GULP1: variants seen among roughly 807,000 people sequenced by gnomAD.
The protein encoded by GULP1 is PTB domain-containing engulfment adapter protein 1.
A neutral mutation model predicts 40.9 loss-of-function variants in GULP1; 19 were observed. The observed-to-expected ratio is 0.46, with a 90% CI of 0.32 to 0.68. The LOEUF (loss-of-function observed/expected upper bound fraction) is 0.68, where lower values mean the gene tolerates loss of function less well. Ranked by LOEUF, GULP1 falls within the 30% of genes least tolerant of loss-of-function variation. The probability of loss-of-function intolerance (pLI) is 0.03; values close to 1 mark genes in which losing one functional copy is unlikely to be tolerated. For synonymous variants in GULP1, 119 were observed against 117.6 expected, an observed-to-expected ratio of 1.01 and a Z score of -0.08; for missense variants, 312 against 362.2, an observed-to-expected ratio of 0.86 and a Z score of 1.12.
chr2:188,360,970 G>T (rs1228423471), intron 1 of GULP1, among the ~76,000 whole-genome samples: 4 of 152,040 alleles, frequency 2.6e-5, no homozygotes, highest in African/African-American at 9.7e-5. Flanking sequence ...ATGGTGGCGT[G>T]AACCTGAAAA....
At chr2:188,363,819 T>G (rs974612842) in intron 1 of GULP1, among the ~76,000 whole-genome samples, 3 of 152,142 alleles carry the variant, frequency 2.0e-5, no homozygotes, top group Admixed American at 1.3e-4. Flanking sequence ...AGGAGCAGCT[T>G]TAGCACTCAT....
At chr2:188,575,039 A>C (rs1699891885) in intron 9 of GULP1, among the ~76,000 whole-genome samples, 1 of 152,188 alleles carries the variant, frequency 6.6e-6, no homozygotes, top group African/African-American at 2.4e-5. Flanking sequence ...AATTGGTCAT[A>C]CTGATGGATT....
chr2:188,345,512 A>T (rs757853422), intron 1 of GULP1, among the ~76,000 whole-genome samples: 1 of 152,366 alleles, frequency 6.6e-6, no homozygotes, highest in East Asian at 1.9e-4. Context: ...TGAAAGGTTA[A>T]GTAAAGGAGT....
intron 4 of GULP1, among the ~76,000 whole-genome samples, chr2:188,503,348 AC>A (rs1331483905): frequency 6.6e-6 from 1 of 151,020 alleles, no homozygotes; most frequent in Non-Finnish European, 1.5e-5. Flanking sequence ...GGATGGGGAG[AC>A]CTCAGGAAAC....
At chr2:188,358,895 A>G (rs1034824914) in intron 1 of GULP1, among the ~76,000 whole-genome samples, 2 of 152,158 alleles carry the variant, frequency 1.3e-5, no homozygotes, top group African/African-American at 2.4e-5. Flanking sequence ...TAATTGACAC[A>G]TTAAAAAATA....
chr2:188,540,109 A>G (rs1281836294), intron 6 of GULP1, among the ~76,000 whole-genome samples: 2 of 152,146 alleles, frequency 1.3e-5, no homozygotes, highest in East Asian at 1.9e-4. Context: ...CCACTCAATA[A>G]TCTTGGTGAA....
At chr2:188,368,096 C>G (rs2047044553) in intron 1 of GULP1, among the ~76,000 whole-genome samples, 1 of 151,996 alleles carries the variant, frequency 6.6e-6, no homozygotes, top group African/African-American at 2.4e-5. Context: ...CTCCCAGCTG[C>G]AGGGTATGAT....
At chr2:188,433,515 G>C (rs1182181404) in intron 2 of GULP1, among the ~76,000 whole-genome samples, 1 of 152,108 alleles carries the variant, frequency 6.6e-6, no homozygotes, top group African/African-American at 2.4e-5. Context: ...AAAAGAACAA[G>C]CTCAGACTAA....
At chr2:188,309,482 CAAG>C (rs1388058576) in intron 1 of GULP1, among the ~76,000 whole-genome samples, 2 of 151,864 alleles carry the variant, frequency 1.3e-5, no homozygotes, top group East Asian at 3.9e-4. Flanking sequence ...AATAAATAAA[CAAG>C]AAGAAATTAA....
chr2:188,452,898 A>G (rs1305939637), intron 2 of GULP1, among the ~76,000 whole-genome samples: 1 of 152,250 alleles, frequency 6.6e-6, no homozygotes, highest in African/African-American at 2.4e-5. Flanking sequence ...AGTAGTAAAT[A>G]ACACAGCAGA....
chr2:188,438,204 A>G (rs1283763475), intron 2 of GULP1, among the ~76,000 whole-genome samples: 1 of 152,124 alleles, frequency 6.6e-6, no homozygotes, highest in Non-Finnish European at 1.5e-5. Context: ...CAGGACAAAC[A>G]GAATTAAAAA....
At chr2:188,343,489 A>G (rs2043227510) in intron 1 of GULP1, among the ~76,000 whole-genome samples, 2 of 152,238 alleles carry the variant, frequency 1.3e-5, no homozygotes. Flanking sequence ...TCGTGACTAT[A>G]TAGTTTATAA....
chr2:188,377,458 C>G (rs1413155165), intron 1 of GULP1, among the ~76,000 whole-genome samples: 7 of 152,152 alleles, frequency 4.6e-5, no homozygotes, highest in Non-Finnish European at 1.0e-4. Context: ...CAGTGGAACT[C>G]ACCTTTCATC....
At chr2:188,354,841 T>G (rs1166804868) in intron 1 of GULP1, among the ~76,000 whole-genome samples, 1 of 152,204 alleles carries the variant, frequency 6.6e-6, no homozygotes, top group Non-Finnish European at 1.5e-5. Flanking sequence ...CAAACTGATA[T>G]CAAGTATCTT....
intron 1 of GULP1, among the ~76,000 whole-genome samples, chr2:188,350,368 A>G (rs2044283549): frequency 6.6e-6 from 1 of 152,108 alleles, no homozygotes; most frequent in South Asian, 2.1e-4. Flanking sequence ...AATTTCTTTC[A>G]ACAATGTGTT....
intron 9 of GULP1, among the ~76,000 whole-genome samples, chr2:188,570,596 A>C (rs531712227): frequency 2.0e-5 from 3 of 152,232 alleles, no homozygotes. Flanking sequence ...CATTAAAATG[A>C]GTGGTATTCT....
chr2:188,479,673 T>C (rs866596109), intron 3 of GULP1, among the ~76,000 whole-genome samples: 4 of 152,114 alleles, frequency 2.6e-5, no homozygotes, highest in South Asian at 2.1e-4. Context: ...AGACCTTCTT[T>C]TTATATATAT....
intron 2 of GULP1, among the ~76,000 whole-genome samples, chr2:188,406,498 ATAAATT>A (rs1209801241): frequency 6.6e-6 from 1 of 152,248 alleles, no homozygotes; most frequent in Non-Finnish European, 1.5e-5. Context: ...GATTACTAAA[ATAAATT>A]TAAAAGAGAA....
intron 1 of GULP1, among the ~76,000 whole-genome samples, chr2:188,309,697 A>G (rs1574297723): frequency 6.6e-6 from 1 of 152,146 alleles, no homozygotes; most frequent in African/African-American, 2.4e-5. Context: ...TTTAAGTCCA[A>G]CTGTGATAAT....
Sources: gnomAD v4.1 joint callset for allele counts (sites outside exome capture counted in the v4.1 genomes callset) on GRCh38, gnomAD v4.1.1 for gene constraint, MANE v1.5 for transcripts, NCBI Gene and HGNC (gene_info 2026-07-23, HGNC 2026-07-21) for gene names.